ADGRB3: variants seen among roughly 807,000 people sequenced by gnomAD.
ADGRB3 encodes the protein adhesion G protein-coupled receptor B3.
In ADGRB3, 37 loss-of-function variants were observed where a neutral mutation model predicts 193.4. The observed-to-expected ratio is 0.19, with a 90% CI of 0.15 to 0.25. The LOEUF (loss-of-function observed/expected upper bound fraction) is 0.25, where lower values mean the gene tolerates loss of function less well. Among genes scored for constraint, ADGRB3 ranks in the 10% least tolerant of loss-of-function variants. ADGRB3 has a pLI of 1.00. For missense variants in ADGRB3, 1,637 were observed against 1,852.9 expected, an observed-to-expected ratio of 0.88 and a Z score of 2.14; for synonymous variants, 690 against 644.2, an observed-to-expected ratio of 1.07 and a Z score of -1.08.
intron 20 of ADGRB3, among the ~76,000 whole-genome samples, chr6:69,283,785 T>C (rs1767490119): frequency 6.6e-6 from 1 of 152,180 alleles, no homozygotes; most frequent in East Asian, 1.9e-4. Flanking sequence ...TTGCAGATAA[T>C]CTAAGAAAAA....
chr6:69,372,372 T>G, intron 29 of ADGRB3, 34 bp from the exon 30 acceptor site: 1 of 1,237,124 alleles, frequency 8.1e-7, no homozygotes, highest in East Asian at 2.7e-5. Flanking sequence ...ACTTTATTGG[T>G]TTTTCTCCTT....
chr6:69,382,443 C>T (rs1769969116), intron 30 of ADGRB3, among the ~76,000 whole-genome samples: 1 of 151,886 alleles, frequency 6.6e-6, no homozygotes, highest in South Asian at 2.1e-4. Context: ...GTAATATTTC[C>T]CATGACAAAC....
intron 3 of ADGRB3, among the ~76,000 whole-genome samples, chr6:68,843,945 G>A (rs1768220067): frequency 6.6e-6 from 1 of 152,130 alleles, no homozygotes; most frequent in African/African-American, 2.4e-5. Flanking sequence ...TCAATAAATG[G>A]TGCTGGGAAA....
intron 17 of ADGRB3, among the ~76,000 whole-genome samples, chr6:69,220,438 G>C (rs2127249110): frequency 6.6e-6 from 1 of 152,196 alleles, no homozygotes; most frequent in Non-Finnish European, 1.5e-5. Context: ...TACAGTTTCT[G>C]TGCATACCAA....
At chr6:68,860,817 A>G (rs982049076) in intron 3 of ADGRB3, among the ~76,000 whole-genome samples, 1 of 152,146 alleles carries the variant, frequency 6.6e-6, no homozygotes, top group Non-Finnish European at 1.5e-5. Context: ...AAATCTCTAT[A>G]CTGTTTTCCA....
chr6:69,040,580 T>C (rs1771026778), intron 13 of ADGRB3, among the ~76,000 whole-genome samples: 1 of 140,296 alleles, frequency 7.1e-6, no homozygotes, highest in Admixed American at 7.8e-5. Flanking sequence ...GAGTCCTCAA[T>C]GGAGAGCACT....
At chr6:69,184,484 T>C (rs192464170) in intron 17 of ADGRB3, among the ~76,000 whole-genome samples, 12 of 152,272 alleles carry the variant, frequency 7.9e-5, no homozygotes, top group Admixed American at 7.8e-4. Flanking sequence ...AATATGTACA[T>C]GTACCTTGGT....
intron 28 of ADGRB3, among the ~76,000 whole-genome samples, chr6:69,360,378 C>T (rs1769425712): frequency 6.6e-6 from 1 of 151,754 alleles, no homozygotes. Flanking sequence ...ATTTCTGATC[C>T]AGTAGGATGA....
chr6:68,790,685 A>G (rs1276253279), intron 3 of ADGRB3, among the ~76,000 whole-genome samples: 1 of 152,214 alleles, frequency 6.6e-6, no homozygotes, highest in Non-Finnish European at 1.5e-5. Flanking sequence ...CAGGGTCTGG[A>G]GTGGACCTCT....
rs559809361 is a variant in ADGRB3, at chr6:69,244,680, G to T, written c.2814+5454G>T. Among the ~76,000 whole-genome samples the T allele has an allele frequency of 3.3e-5, 5 of 152,134 alleles. No homozygotes were observed. In the South Asian group the frequency reaches 1.0e-3, roughly 32 times the overall value. On this transcript the variant is annotated intron_variant, in intron 20 of 31. Coordinates refer to ENST00000370598, the MANE Select transcript of ADGRB3 (RefSeq NM_001704.3). ...CTCAGATGGGGATGGTTAAGAGAAG[G>T]TATTGTAAGCCAGGTAGATTTAAAT... is the stretch of plus-strand genomic sequence containing the variant.
intron 3 of ADGRB3, among the ~76,000 whole-genome samples, chr6:68,644,548 T>TAA (rs1467467692): frequency 4.6e-5 from 7 of 152,156 alleles, no homozygotes; most frequent in Non-Finnish European, 1.0e-4. Flanking sequence ...AAGATAAACA[T>TAA]AAGCTGTCTT....
chr6:69,125,135 A>G (rs1168505541), intron 17 of ADGRB3, among the ~76,000 whole-genome samples: 1 of 152,134 alleles, frequency 6.6e-6, no homozygotes, highest in East Asian at 1.9e-4. Flanking sequence ...CAGACCAGCC[A>G]ATTGCCAACC....
intron 3 of ADGRB3, among the ~76,000 whole-genome samples, chr6:68,921,323 G>A (rs908667205): frequency 3.9e-5 from 6 of 152,152 alleles, no homozygotes; most frequent in Admixed American, 6.6e-5. Flanking sequence ...AGAAAAAGAT[G>A]TAGCAGACAA....
intron 3 of ADGRB3, among the ~76,000 whole-genome samples, chr6:68,709,884 G>A (rs1765381877): frequency 6.6e-6 from 1 of 152,184 alleles, no homozygotes; most frequent in Non-Finnish European, 1.5e-5. Context: ...TTCAGTGTTT[G>A]AGAAGCTGAA....
chr6:68,877,526 A>T (rs1488486312), intron 3 of ADGRB3, among the ~76,000 whole-genome samples: 1 of 152,230 alleles, frequency 6.6e-6, no homozygotes, highest in South Asian at 2.1e-4. Flanking sequence ...ATTTGTTCAC[A>T]GTTATACTTT....
intron 13 of ADGRB3, among the ~76,000 whole-genome samples, chr6:69,037,758 G>C (rs10485429): frequency 6.6e-6 from 1 of 151,816 alleles, no homozygotes; most frequent in African/African-American, 2.4e-5. Context: ...TCTTTCCTAA[G>C]TTCTTGCTCT....
intron 20 of ADGRB3, among the ~76,000 whole-genome samples, chr6:69,290,416 T>G (rs1767641433): frequency 6.6e-6 from 1 of 151,550 alleles, no homozygotes; most frequent in Non-Finnish European, 1.5e-5. Context: ...CATTAACCCT[T>G]GAGGGATGGA....
intron 17 of ADGRB3, among the ~76,000 whole-genome samples, chr6:69,192,178 G>A (rs1199778466): frequency 6.6e-6 from 1 of 152,156 alleles, no homozygotes; most frequent in Non-Finnish European, 1.5e-5. Context: ...TGAGGAGCAA[G>A]GAAGCCAGTT....
At chr6:68,947,178 T>C (rs1341784296) in intron 6 of ADGRB3, among the ~76,000 whole-genome samples, 2 of 152,076 alleles carry the variant, frequency 1.3e-5, no homozygotes, top group Non-Finnish European at 2.9e-5. Context: ...ACGTGGTCTA[T>C]TCCTTCTTTT....
Sources: allele counts gnomAD v4.1 joint callset (sites outside exome capture counted in the v4.1 genomes callset), GRCh38; gene constraint gnomAD v4.1.1; transcripts MANE v1.5; gene names NCBI Gene and HGNC (gene_info 2026-07-23, HGNC 2026-07-21).